SUCLG2: variants seen among roughly 807,000 people sequenced by gnomAD.
The protein encoded by SUCLG2 is succinate-CoA ligase GDP-forming subunit beta.
SUCLG2 carries 42 observed loss-of-function variants against 47.9 expected under a neutral mutation model. The observed-to-expected ratio is 0.88, with a 90% CI of 0.69 to 1.14. The LOEUF is 1.14. Ranked by LOEUF, SUCLG2 falls within the 50% of genes most tolerant of loss-of-function variation. The probability of loss-of-function intolerance (pLI) is 0.00; values close to 1 mark genes in which losing one functional copy is unlikely to be tolerated. For missense variants in SUCLG2, 571 were observed against 525.9 expected (o/e 1.09, Z -0.84); for synonymous variants, 195 against 197.3 (o/e 0.99, Z 0.10).
chr3:67,473,942 C>T (rs888460762), intron 9 of SUCLG2, among the ~76,000 whole-genome samples: 10 of 152,132 alleles, frequency 6.6e-5, no homozygotes, highest in African/African-American at 2.2e-4. Context: ...ACATCATCTT[C>T]TTGTGGTCAC....
chr3:67,577,355 T>C (rs990695267), intron 2 of SUCLG2, among the ~76,000 whole-genome samples: 1 of 151,806 alleles, frequency 6.6e-6, no homozygotes, highest in African/African-American at 2.4e-5. Flanking sequence ...ACAAATAAGA[T>C]AAAAGGACTT....
intron 4 of SUCLG2, among the ~76,000 whole-genome samples, chr3:67,523,082 C>T (rs1432027399): frequency 1.3e-5 from 2 of 152,038 alleles, no homozygotes; most frequent in East Asian, 1.9e-4. Context: ...CCAACGCACC[C>T]GGCCACATTG....
At chr3:67,561,659 T>A (rs555527160) in intron 2 of SUCLG2, among the ~76,000 whole-genome samples, 3 of 151,968 alleles carry the variant, frequency 2.0e-5, no homozygotes, top group Admixed American at 6.5e-5. Flanking sequence ...TCTTGGTTTG[T>A]CTTTCTTTTT....
In SUCLG2 at chr3:67,558,484, C is replaced by T. The variant is rs531062984; in HGVS notation, c.227-29298G>A. 2.8e-4 allele frequency among the ~76,000 whole-genome samples: 42 copies of T among 152,290 alleles called. 1 individual carries two copies. The highest frequency in any genetic ancestry group is 3.4e-3 in the Middle Eastern group (1 of 294). Reference sequence around the variant, plus strand: ...TTGGCCGTGGTGGACTATGGTCCCACCTGGCTTGTAGTACATTTGATTCCT... The same window carrying T: ...TTGGCCGTGGTGGACTATGGTCCCATCTGGCTTGTAGTACATTTGATTCCT... On this transcript the variant is annotated intron_variant, in intron 2 of 10. Transcript: ENST00000307227.
intron 9 of SUCLG2, among the ~76,000 whole-genome samples, chr3:67,468,554 A>T (rs984912392): frequency 6.6e-6 from 1 of 152,192 alleles, no homozygotes; most frequent in African/African-American, 2.4e-5. Context: ...TGCTATGAAA[A>T]GGCCAAACTA....
chr3:67,591,253 GACAA>G (rs1559586392), intron 2 of SUCLG2, among the ~76,000 whole-genome samples: 4 of 152,168 alleles, frequency 2.6e-5, no homozygotes, highest in South Asian at 4.1e-4. Context: ...AGGAAGCTAG[GACAA>G]ACAAAGAGAA....
chr3:67,557,925 C>G (rs2634737), intron 2 of SUCLG2, among the ~76,000 whole-genome samples: 31,671 of 152,070 alleles, frequency 0.21, 5,630 homozygotes, highest in African/African-American at 0.46. Context: ...CAATCAGTCC[C>G]TTGGCTGTGA....
intron 10 of SUCLG2, among the ~76,000 whole-genome samples, chr3:67,392,282 T>G (rs1702406218): frequency 6.6e-6 from 1 of 152,128 alleles, no homozygotes; most frequent in African/African-American, 2.4e-5. Flanking sequence ...CAGAACCCCC[T>G]TGCTCCTTCC....
At chr3:67,380,707 TAGAG>T (rs78636556) in intron 10 of SUCLG2, among the ~76,000 whole-genome samples, 1 of 150,348 alleles carries the variant, frequency 6.7e-6, no homozygotes, top group Admixed American at 6.6e-5. Flanking sequence ...GAGAGGGAGA[TAGAG>T]AGAGAGACAA....
chr3:67,434,036 T>A (rs969234796), intron 9 of SUCLG2, among the ~76,000 whole-genome samples: 39 of 152,170 alleles, frequency 2.6e-4, no homozygotes, highest in Non-Finnish European at 3.5e-4. Context: ...GTTGACAAAG[T>A]GCATGAGAAG....
chr3:67,429,965 C>T (rs1703432250), intron 9 of SUCLG2, among the ~76,000 whole-genome samples: 1 of 152,064 alleles, frequency 6.6e-6, no homozygotes, highest in Admixed American at 6.5e-5. Context: ...CCTTAGAGAC[C>T]TACAAAGAGA....
intron 6 of SUCLG2, among the ~76,000 whole-genome samples, chr3:67,516,859 A>G (rs1402486404): frequency 3.9e-5 from 6 of 152,222 alleles, no homozygotes; most frequent in Admixed American, 3.3e-4. Flanking sequence ...CAGTGGCTGT[A>G]TGGAAAACGG....
intron 2 of SUCLG2, among the ~76,000 whole-genome samples, chr3:67,568,450 G>C (rs184895998): frequency 1.3e-5 from 2 of 152,182 alleles, no homozygotes; most frequent in Non-Finnish European, 2.9e-5. Flanking sequence ...GAGAAAACGT[G>C]AGAAAATGAA....
downstream of SUCLG2, among the ~76,000 whole-genome samples, chr3:67,373,412 C>G (rs1701979955): frequency 6.6e-6 from 1 of 151,936 alleles, no homozygotes; most frequent in Non-Finnish European, 1.5e-5. Flanking sequence ...AAGCAAATAG[C>G]CTTTTATTTT....
chr3:67,383,425 G>A (rs1384251172), intron 10 of SUCLG2, among the ~76,000 whole-genome samples: 1 of 152,154 alleles, frequency 6.6e-6, no homozygotes, highest in African/African-American at 2.4e-5. Flanking sequence ...ATATCTAAAT[G>A]CTTTGTACCC....
chr3:67,371,914 C>A (rs1701960391), downstream of SUCLG2, among the ~76,000 whole-genome samples: 1 of 152,110 alleles, frequency 6.6e-6, no homozygotes, highest in South Asian at 2.1e-4. Flanking sequence ...ACAACAATGA[C>A]AGATTCATAG....
chr3:67,375,251 T>C lies in SUCLG2; in HGVS notation c.*493A>G, dbSNP rs539607202. On this transcript the variant is annotated 3_prime_UTR_variant, in exon 11 of 11. Coordinates refer to ENST00000307227, the MANE Select transcript of SUCLG2 (RefSeq NM_003848.4). ...GCAGTAGTGTGTAATAGCTATTTGCTTGAATGTCTTAGCAGTGCCTTTTTA... is the reference window on the plus strand; with the variant it reads ...GCAGTAGTGTGTAATAGCTATTTGCCTGAATGTCTTAGCAGTGCCTTTTTA... 46 of 985,890 alleles carry C rather than the reference T, an allele frequency of 4.7e-5. No individual in the cohort carries two copies. The highest frequency in any genetic ancestry group is 9.4e-5 in the South Asian group (2 of 21,286). The allele number at this position is 985,890 out of a possible 1,614,324, so 61.1% of individuals were successfully genotyped here.
chr3:67,567,017 T>C (rs1707467835), intron 2 of SUCLG2, among the ~76,000 whole-genome samples: 1 of 152,030 alleles, frequency 6.6e-6, no homozygotes, highest in African/African-American at 2.4e-5. Context: ...AACCCATCCC[T>C]ACCAAAACAC....
At chr3:67,367,509 G>C (rs1023789001) in intron 10 of SUCLG2, among the ~76,000 whole-genome samples, 5 of 152,024 alleles carry the variant, frequency 3.3e-5, no homozygotes, top group African/African-American at 1.2e-4. Flanking sequence ...TTATACCAAT[G>C]ACCCATATTT....
Sources: allele counts gnomAD v4.1 joint callset (sites outside exome capture counted in the v4.1 genomes callset), GRCh38; gene constraint gnomAD v4.1.1; transcripts MANE v1.5; gene names NCBI Gene and HGNC (gene_info 2026-07-23, HGNC 2026-07-21).